The following PDE1C variants were observed in gnomAD, a reference collection of about 807,000 sequenced individuals.
PDE1C encodes the protein dual specificity calcium/calmodulin-dependent 3',5'-cyclic nucleotide phosphodiesterase 1C.
A neutral mutation model predicts 93.1 loss-of-function variants in PDE1C; 62 were observed. The observed-to-expected ratio is 0.67, with a 90% confidence interval of 0.54 to 0.82. PDE1C has a LOEUF of 0.82. Among genes scored for constraint, PDE1C ranks in the 40% least tolerant of loss-of-function variants. The probability of loss-of-function intolerance (pLI) is 0.00; values close to 1 mark genes in which losing one functional copy is unlikely to be tolerated. For synonymous variants in PDE1C, 325 were observed against 310.1 expected (o/e 1.05, Z -0.50); for missense variants, 742 against 884.6 (o/e 0.84, Z 2.04).
chr7:32,317,729 G>A (rs1277900635), intron 1 of PDE1C, among the ~76,000 whole-genome samples: 1 of 152,112 alleles, frequency 6.6e-6, no homozygotes, highest in Non-Finnish European at 1.5e-5. Context: ...ACGAATGCTG[G>A]CACTGTTCTT....
chr7:31,665,904 A>G, the PDE1C span, among the ~76,000 whole-genome samples: 1 of 152,164 alleles, frequency 6.6e-6, no homozygotes, highest in Non-Finnish European at 1.5e-5. Flanking sequence ...TCTGTGCAGG[A>G]CTCAGGCAAA....
At chr7:32,056,519 C>A (rs1178949553) in intron 1 of PDE1C, among the ~76,000 whole-genome samples, 1 of 152,138 alleles carries the variant, frequency 6.6e-6, no homozygotes, top group African/African-American at 2.4e-5. Flanking sequence ...CGACAGGCTG[C>A]ATGACCTTTA....
intron 3 of PDE1C, among the ~76,000 whole-genome samples, chr7:32,094,688 G>A (rs547929669): frequency 7.4e-4 from 112 of 152,258 alleles, no homozygotes; most frequent in Admixed American, 1.4e-3. Context: ...AGAGTCCAGC[G>A]GTCCATTCAG....
the PDE1C span, chr7:31,653,039 GCA>G: frequency 7.7e-7 from 1 of 1,292,888 alleles, no homozygotes; most frequent in African/African-American, 1.5e-5. Flanking sequence ...TATGTGCCTG[GCA>G]CAGAGTATGC....
intron 2 of PDE1C, among the ~76,000 whole-genome samples, chr7:31,896,806 T>G (rs996109857): frequency 1.3e-5 from 2 of 152,224 alleles, no homozygotes; most frequent in Non-Finnish European, 2.9e-5. Context: ...TTCAGCCAAG[T>G]AATTGGAATA....
chr7:32,250,470 C>A (rs1429173051), intron 1 of PDE1C, among the ~76,000 whole-genome samples: 1 of 152,212 alleles, frequency 6.6e-6, no homozygotes, highest in East Asian at 1.9e-4. Context: ...AGACCCCTGG[C>A]TCCCTTCCCA....
the PDE1C span, among the ~76,000 whole-genome samples, chr7:31,705,586 T>C: frequency 6.6e-6 from 1 of 152,204 alleles, no homozygotes; most frequent in Non-Finnish European, 1.5e-5. Flanking sequence ...GTGAACAAAC[T>C]AGGAACTGAA....
chr7:31,697,188 C>T, the PDE1C span: 4 of 1,558,182 alleles, frequency 2.6e-6, no homozygotes, highest in African/African-American at 1.4e-5. Flanking sequence ...ATCTGGAGGT[C>T]CCCAGGGCCT....
At chr7:31,732,435 G>A in the PDE1C span, among the ~76,000 whole-genome samples, 2 of 152,050 alleles carry the variant, frequency 1.3e-5, no homozygotes, top group Non-Finnish European at 2.9e-5. Flanking sequence ...ATGTGGGTGG[G>A]CCTCATCCAA....
chr7:32,032,019 C>T (rs1280212319), intron 2 of PDE1C, among the ~76,000 whole-genome samples: 1 of 152,164 alleles, frequency 6.6e-6, no homozygotes, highest in Non-Finnish European at 1.5e-5. Context: ...CCTTTGCCAT[C>T]TGAGCTTCTG....
At chr7:32,108,602 T>G (rs568031399) in intron 3 of PDE1C, among the ~76,000 whole-genome samples, 1 of 152,318 alleles carries the variant, frequency 6.6e-6, no homozygotes, top group East Asian at 1.9e-4. Context: ...AAACATTTAT[T>G]GGGCACTCAT....
chr7:32,124,656 AAAACTGGCTAGCCATATGCAGG>A (rs1373200923), intron 3 of PDE1C, among the ~76,000 whole-genome samples: 1 of 152,226 alleles, frequency 6.6e-6, no homozygotes, highest in African/African-American at 2.4e-5. Flanking sequence ...CCATATGCAG[AAAACTGGCTAGCCATATGCAGG>A]AAACTGAAAC....
chr7:31,748,079 G>C (rs1548831), downstream of PDE1C, among the ~76,000 whole-genome samples: 140,962 of 152,182 alleles, frequency 0.93, 65,795 homozygotes, highest in East Asian at 1. Flanking sequence ...TCCCTTTCAA[G>C]TTAAACTATA....
the PDE1C span, among the ~76,000 whole-genome samples, chr7:31,625,636 G>A: frequency 5.9e-5 from 9 of 152,016 alleles, no homozygotes; most frequent in Non-Finnish European, 1.0e-4. Context: ...GTGGGAGGAG[G>A]GGGGAGGGAT....
chr7:32,375,051 A>G (rs1362849950), intron 1 of PDE1C, among the ~76,000 whole-genome samples: 1 of 152,126 alleles, frequency 6.6e-6, no homozygotes, highest in Non-Finnish European at 1.5e-5. Context: ...GACTCAAAGG[A>G]ACTGTTTATA....
rs146471915 is a variant in PDE1C at position 32,371,874 on chromosome 7, T to C, written c.310+55948A>G. ...TAGGGCCAAGGCAGGGGATTCAGAA[T>C]AGCCAAAACAATCTTGAAAAAGGCA... On this transcript the variant is annotated intron_variant, in intron 1 of 1. Transcript: ENST00000672256. Among the ~76,000 whole-genome samples, 9 of 152,248 alleles carry C rather than the reference T, an allele frequency of 5.9e-5. 1 individual carries two copies. The highest frequency in any genetic ancestry group is 2.6e-4 in the Admixed American group (4 of 15,286).
intron 2 of PDE1C, among the ~76,000 whole-genome samples, chr7:31,950,696 T>C (rs1001023327): frequency 6.6e-5 from 10 of 152,198 alleles, no homozygotes; most frequent in Non-Finnish European, 1.0e-4. Context: ...TCTTTATTTT[T>C]TTAGTAGTAA....
chr7:31,642,775 C>T, the PDE1C span: 1 of 1,614,010 alleles, frequency 6.2e-7, no homozygotes, highest in South Asian at 1.1e-5. Context: ...CCAGGACTGT[C>T]AGCTAGAGTC....
the PDE1C span, among the ~76,000 whole-genome samples, chr7:31,623,767 C>A: frequency 6.6e-6 from 1 of 150,684 alleles, no homozygotes; most frequent in Non-Finnish European, 1.5e-5. Context: ...GAAGTTCTGG[C>A]CAGGGCAATT....
Sources: allele counts gnomAD v4.1 joint callset (sites outside exome capture counted in the v4.1 genomes callset), GRCh38; gene constraint gnomAD v4.1.1; transcripts MANE v1.5; gene names NCBI Gene and HGNC (gene_info 2026-07-23, HGNC 2026-07-21).